ZNF644: variants seen among roughly 807,000 people sequenced by gnomAD.
The protein encoded by ZNF644 is zinc finger protein 644.
ZNF644 carries 20 observed loss-of-function variants against 108.0 expected under a neutral mutation model. That is an observed-to-expected ratio of 0.19 (90% CI 0.13 to 0.27). ZNF644 has a LOEUF of 0.27. Among genes scored for constraint, ZNF644 ranks in the 10% least tolerant of loss-of-function variants. The pLI is 1.00. For missense variants in ZNF644, 1,338 were observed against 1,548.9 expected (o/e 0.86, Z 2.29); for synonymous variants, 542 against 539.1 (o/e 1.01, Z -0.08).
chr1:90,939,212 G>A lies in ZNF644; in HGVS notation c.2142C>T (p.Ser714=), dbSNP rs758219229. The A allele has an allele frequency of 1.7e-5, 28 of 1,613,750 alleles. No homozygotes were observed. The African/African-American group carries it at 2.9e-4, about 17-fold the overall frequency. ...GGAAATACTTAGGTTTTTGGTCAAC[G>A]CTGCTTTTAATTGTAACATTCTTAT... ...SPHKNVTIKS[S]VDQKPKYFHQ... Residue 714 remains serine, a synonymous_variant, in exon 3 of 6, where the codon AGC becomes AGT. Transcript: ENST00000337393.
chr1:91,013,749 G>GTCCAATACAGT (rs1470268397), intron 1 of ZNF644, among the ~76,000 whole-genome samples: 1 of 152,046 alleles, frequency 6.6e-6, no homozygotes, highest in East Asian at 1.9e-4. Context: ...CTGAATACCT[G>GTCCAATACAGT]AACTCTGGCT....
chr1:91,013,487 A>G (rs1660161532), intron 1 of ZNF644, among the ~76,000 whole-genome samples: 1 of 151,062 alleles, frequency 6.6e-6, no homozygotes, highest in East Asian at 1.9e-4. Flanking sequence ...ACACACATAC[A>G]CACACACACA....
intron 2 of ZNF644, among the ~76,000 whole-genome samples, chr1:90,946,296 T>TA (rs1473776072): frequency 6.6e-6 from 1 of 151,786 alleles, no homozygotes; most frequent in Non-Finnish European, 1.5e-5. Flanking sequence ...GAAGAAACAC[T>TA]AAAAAAATAC....
At chr1:90,954,344 A>G (rs1653512356) in intron 2 of ZNF644, among the ~76,000 whole-genome samples, 1 of 152,184 alleles carries the variant, frequency 6.6e-6, no homozygotes, top group African/African-American at 2.4e-5. Context: ...TCGCTAGAGA[A>G]GCAACTTCTC....
intron 1 of ZNF644, among the ~76,000 whole-genome samples, chr1:90,990,246 C>T (rs1261200605): frequency 6.6e-6 from 1 of 152,272 alleles, no homozygotes; most frequent in South Asian, 2.1e-4. Context: ...AATGTAAATA[C>T]ACTTAACACT....
intron 2 of ZNF644, among the ~76,000 whole-genome samples, chr1:90,972,403 C>T (rs745573492): frequency 6.6e-6 from 1 of 151,950 alleles, no homozygotes; most frequent in Admixed American, 6.6e-5. Context: ...AATTATTAGA[C>T]AAATACAAAT....
chr1:90,929,700 T>C (rs1650498791), intron 4 of ZNF644, among the ~76,000 whole-genome samples: 2 of 152,194 alleles, frequency 1.3e-5, no homozygotes. Context: ...ATGACTTTTC[T>C]AGTGGCTTAC....
At chr1:90,958,260 A>G (rs1293355994) in intron 2 of ZNF644, among the ~76,000 whole-genome samples, 6 of 150,296 alleles carry the variant, frequency 4.0e-5, no homozygotes, top group Non-Finnish European at 5.9e-5. Flanking sequence ...AAAAAAAAGA[A>G]TAAATGTAAC....
chr1:90,943,739 G>C (rs1652246103), intron 2 of ZNF644, among the ~76,000 whole-genome samples: 1 of 152,102 alleles, frequency 6.6e-6, no homozygotes, highest in African/African-American at 2.4e-5. Flanking sequence ...TCACCCAGCA[G>C]GAGTCTCTAC....
chr1:91,016,983 C>G (rs1258963766), intron 1 of ZNF644, among the ~76,000 whole-genome samples: 2 of 152,134 alleles, frequency 1.3e-5, no homozygotes, highest in African/African-American at 4.8e-5. Context: ...CAGGCACGTG[C>G]CACCATGCCC....
chr1:91,010,363 C>G (rs144285600), intron 1 of ZNF644, among the ~76,000 whole-genome samples: 4 of 151,402 alleles, frequency 2.6e-5, no homozygotes, highest in African/African-American at 9.7e-5. Flanking sequence ...CTCAGCTTCC[C>G]GAATAGCTGG....
At chr1:90,918,377 G>A in intron 4 of ZNF644, 1 of 529,352 alleles carries the variant, frequency 1.9e-6, no homozygotes, top group South Asian at 2.1e-5. Flanking sequence ...AATACTATCT[G>A]TATTCTTCCT....
intron 4 of ZNF644, chr1:90,935,600 G>A: frequency 3.1e-6 from 3 of 959,542 alleles, no homozygotes; most frequent in Non-Finnish European, 3.7e-6. Flanking sequence ...CTTAAAGAGT[G>A]TAGAAAAGCA....
chr1:90,973,813 T>A (rs1655737514), intron 2 of ZNF644, among the ~76,000 whole-genome samples: 1 of 152,168 alleles, frequency 6.6e-6, no homozygotes, highest in Non-Finnish European at 1.5e-5. Flanking sequence ...TATAGGTGGC[T>A]CAGTTTGCAA....
chr1:90,930,650 A>G (rs1278801224), intron 4 of ZNF644, among the ~76,000 whole-genome samples: 1 of 152,240 alleles, frequency 6.6e-6, no homozygotes, highest in Non-Finnish European at 1.5e-5. Context: ...TTCACAACAA[A>G]GAATATAATA....
chr1:90,974,181 A>G (rs1362668862), intron 2 of ZNF644, among the ~76,000 whole-genome samples: 1 of 152,084 alleles, frequency 6.6e-6, no homozygotes, highest in African/African-American at 2.4e-5. Context: ...CTCTACTAAA[A>G]ATACAAAAAT....
intron 1 of ZNF644, among the ~76,000 whole-genome samples, chr1:90,984,828 A>T (rs1354422833): frequency 6.6e-6 from 1 of 152,198 alleles, no homozygotes; most frequent in Non-Finnish European, 1.5e-5. Context: ...ACTGTGAGAA[A>T]ATAAATTTCT....
At chr1:91,002,698 G>A (rs1461202076) in intron 1 of ZNF644, among the ~76,000 whole-genome samples, 1 of 152,106 alleles carries the variant, frequency 6.6e-6, no homozygotes, top group African/African-American at 2.4e-5. Context: ...TTAAACTAAA[G>A]AGCTTCTGCA....
chr1:90,926,710 C>T (rs1258423527), intron 4 of ZNF644, among the ~76,000 whole-genome samples: 1 of 152,136 alleles, frequency 6.6e-6, no homozygotes, highest in East Asian at 1.9e-4. Flanking sequence ...CATCTCTTAA[C>T]TCTAATCTAC....
Sources: allele counts gnomAD v4.1 joint callset (sites outside exome capture counted in the v4.1 genomes callset), GRCh38; gene constraint gnomAD v4.1.1; transcripts MANE v1.5; gene names NCBI Gene and HGNC (gene_info 2026-07-23, HGNC 2026-07-21).